Variants in OSBPL6 observed in about 807,000 individuals in gnomAD.
The protein encoded by OSBPL6 is oxysterol-binding protein-related protein 6.
OSBPL6 carries 49 observed loss-of-function variants against 125.8 expected under a neutral mutation model. That is an observed-to-expected ratio of 0.39 (90% confidence interval 0.31 to 0.49). The LOEUF (loss-of-function observed/expected upper bound fraction) is 0.49. OSBPL6 is among the 20% of genes least tolerant of loss of function. OSBPL6 has a pLI of 0.88. For synonymous variants in OSBPL6, 394 were observed against 391.8 expected (o/e 1.01, Z -0.07); for missense variants, 986 against 1,135.4 (o/e 0.87, Z 1.89).
At chr2:178,379,078 G>A (rs1395420816) in intron 15 of OSBPL6, among the ~76,000 whole-genome samples, 1 of 151,932 alleles carries the variant, frequency 6.6e-6, no homozygotes, top group Non-Finnish European at 1.5e-5. Context: ...AGGCTGAGGT[G>A]GGAGGATCCC....
chr2:178,383,341 C>T (rs1311585080), intron 17 of OSBPL6, 64 bp downstream of exon 17: 1 of 1,546,198 alleles, frequency 6.5e-7, no homozygotes, highest in African/African-American at 1.4e-5. Context: ...TGGGCTAAGC[C>T]AGAATTCATT....
intron 21 of OSBPL6, among the ~76,000 whole-genome samples, 176 bp from the exon 22 acceptor site, chr2:178,390,897 A>C (rs767816117): frequency 5.9e-4 from 90 of 152,350 alleles, no homozygotes; most frequent in Non-Finnish European, 1.1e-3. Context: ...CTTTCTTGAA[A>C]GTTAAGCTAA....
chr2:178,198,576 C>T (rs1238318905), intron 1 of OSBPL6, among the ~76,000 whole-genome samples: 1 of 151,056 alleles, frequency 6.6e-6, no homozygotes, highest in Non-Finnish European at 1.5e-5. Context: ...GCCGAGATTG[C>T]ACCACTGCAC....
At chr2:178,349,440 AG>A in intron 12 of OSBPL6, 51 bp downstream of exon 12, 1 of 1,559,766 alleles carries the variant, frequency 6.4e-7, no homozygotes, top group East Asian at 2.2e-5. Flanking sequence ...CTTTGATGAA[AG>A]ATTATCCTTT....
chr2:178,374,127 GT>G, intron 15 of OSBPL6, 100 bp downstream of exon 15: 2 of 1,384,206 alleles, frequency 1.4e-6, no homozygotes, highest in Non-Finnish European at 9.8e-7. Flanking sequence ...ACTTTCATTT[GT>G]TTTTTTGTTT....
intron 11 of OSBPL6, among the ~76,000 whole-genome samples, chr2:178,341,969 T>C (rs1253099348): frequency 6.6e-6 from 1 of 152,138 alleles, no homozygotes; most frequent in African/African-American, 2.4e-5. Flanking sequence ...CTTTACTCAG[T>C]ATTTTGCCTA....
At chr2:178,266,321 C>G (rs565759658) in intron 1 of OSBPL6, among the ~76,000 whole-genome samples, 12 of 152,272 alleles carry the variant, frequency 7.9e-5, no homozygotes, top group Admixed American at 7.2e-4. Flanking sequence ...TGACCTATTA[C>G]AACTTAGAGT....
chr2:178,314,074 G>A (rs889187975), intron 3 of OSBPL6, among the ~76,000 whole-genome samples: 1 of 152,200 alleles, frequency 6.6e-6, no homozygotes. Flanking sequence ...ATTGGAATGT[G>A]TCTCCTCCGA....
intron 2 of OSBPL6, among the ~76,000 whole-genome samples, chr2:178,285,826 T>A (rs954887055): frequency 5.9e-5 from 9 of 152,188 alleles, no homozygotes; most frequent in Admixed American, 5.9e-4. Context: ...TTTTACAAGC[T>A]GCACATCCTC....
chr2:178,289,165 G>A (rs1297701290), intron 2 of OSBPL6, among the ~76,000 whole-genome samples: 8 of 149,468 alleles, frequency 5.4e-5, no homozygotes, highest in Non-Finnish European at 1.0e-4. Context: ...CTACAGATGC[G>A]TGCCACCACA....
chr2:178,298,092 T>A (rs73030650), intron 2 of OSBPL6, among the ~76,000 whole-genome samples: 3,587 of 152,284 alleles, frequency 0.024, 146 homozygotes, highest in African/African-American at 0.082. Context: ...TTTGCATACC[T>A]CATATCTCAT....
intron 11 of OSBPL6, chr2:178,344,363 G>A: frequency 6.2e-7 from 1 of 1,613,914 alleles, no homozygotes; most frequent in African/African-American, 1.3e-5. Flanking sequence ...CTACAACAGT[G>A]AGTGGATTTC....
chr2:178,241,658 C>T (rs2091299683), intron 1 of OSBPL6, among the ~76,000 whole-genome samples: 1 of 152,150 alleles, frequency 6.6e-6, no homozygotes, highest in African/African-American at 2.4e-5. Flanking sequence ...TCAAGCGATT[C>T]GCCAACCTCG....
chr2:178,386,982 T>C (rs1157816315), intron 19 of OSBPL6, 79 bp from the exon 20 acceptor site: 6 of 861,342 alleles, frequency 7.0e-6, no homozygotes, highest in Non-Finnish European at 9.1e-6. Context: ...TCATAAAGTG[T>C]AATACAAAAG....
chr2:178,259,141 G>A (rs1351318405), intron 1 of OSBPL6, among the ~76,000 whole-genome samples: 1 of 152,178 alleles, frequency 6.6e-6, no homozygotes, highest in East Asian at 1.9e-4. Context: ...TAGTTTGCCT[G>A]TAGCTAGCTG....
At chr2:178,253,625 A>G (rs1574639818) in intron 1 of OSBPL6, among the ~76,000 whole-genome samples, 2 of 152,328 alleles carry the variant, frequency 1.3e-5, no homozygotes, top group South Asian at 2.1e-4. Context: ...TAGTATCCAC[A>G]TGCAATATAT....
rs1482051318 is a variant in OSBPL6, at chr2:178,377,218, AAACTTAC to A, written c.1533+3195_1533+3201del. Among the ~76,000 whole-genome samples, 4 of 152,354 alleles carry A rather than the reference AAACTTAC, an allele frequency of 2.6e-5. No homozygotes were observed. In the East Asian group the frequency reaches 7.7e-4, roughly 29 times the overall value. ...ATGCTGGCATCTGCTTAGCTTCAGG[AAACTTAC>A]AACCATGGCAGAAGGCCAAGGGGAA... On this transcript the variant is annotated intron_variant, in intron 15 of 24. Coordinates refer to ENST00000190611, the MANE Select transcript of OSBPL6 (RefSeq NM_032523.4).
intron 1 of OSBPL6, among the ~76,000 whole-genome samples, chr2:178,243,434 G>A (rs1008448778): frequency 5.9e-5 from 9 of 152,122 alleles, no homozygotes; most frequent in African/African-American, 2.2e-4. Flanking sequence ...GCCTCTTGCT[G>A]TTCCTGTTGT....
Position 178,254,696 on chromosome 2 carries a change from G to C in OSBPL6, c.-350-30231G>C, listed in dbSNP as rs565200252. Among the ~76,000 whole-genome samples the C allele has an allele frequency of 9.5e-4, 144 of 152,246 alleles. 3 individuals carry two copies. Among genetic ancestry groups the C allele is most frequent in the Non-Finnish European group, 5.3e-4 (36 of 68,008 alleles). ...AGAATGTACTAGTTTCCAAATCCTA[G>C]CACCCAGCTGGAGAACTTACTTAAA... On this transcript the variant is annotated intron_variant, in intron 1 of 24. Coordinates refer to ENST00000190611, the MANE Select transcript of OSBPL6 (RefSeq NM_032523.4).
Sources: gnomAD v4.1 joint callset for allele counts (sites outside exome capture counted in the v4.1 genomes callset) on GRCh38, gnomAD v4.1.1 for gene constraint, MANE v1.5 for transcripts, NCBI Gene and HGNC (gene_info 2026-07-23, HGNC 2026-07-21) for gene names.